The following TEX264 variants were observed in gnomAD, a reference collection of about 807,000 sequenced individuals.
TEX264 encodes testis-expressed protein 264.
A neutral mutation model predicts 23.4 loss-of-function variants in TEX264; 13 were observed. The observed-to-expected ratio is 0.56, with a 90% confidence interval of 0.36 to 0.88. The LOEUF (loss-of-function observed/expected upper bound fraction) is 0.88, where lower values mean the gene tolerates loss of function less well. Ranked by LOEUF, TEX264 falls within the 40% of genes least tolerant of loss-of-function variation. The pLI is 0.01. For synonymous variants in TEX264, 159 were observed against 170.0 expected (o/e 0.94, Z 0.50); for missense variants, 340 against 406.8 (o/e 0.84, Z 1.41).
At chr3:51,693,150 G>T (rs533416699) in intron 3 of TEX264, among the ~76,000 whole-genome samples, 3 of 152,220 alleles carry the variant, frequency 2.0e-5, no homozygotes, top group East Asian at 3.9e-4. Context: ...ACAGGACACC[G>T]AGGAAGCCAG....
intron 2 of TEX264, among the ~76,000 whole-genome samples, chr3:51,675,326 A>C (rs1702192508): frequency 6.6e-6 from 1 of 152,204 alleles, no homozygotes; most frequent in Admixed American, 6.5e-5. Flanking sequence ...ATGGGCTGGC[A>C]GCTCTGTCAA....
chr3:51,701,895 G>A lies in TEX264; in HGVS notation c.650-1829G>A, dbSNP rs1703318732. Among the ~76,000 whole-genome samples the A allele has an allele frequency of 2.0e-5, 3 of 152,238 alleles. No individual in the cohort carries two copies. In the South Asian group the frequency reaches 6.2e-4, roughly 31 times the overall value. On this transcript the variant is annotated intron_variant, in intron 4 of 4. Coordinates refer to ENST00000341333, the MANE Select transcript of TEX264 (RefSeq NM_015926.6). Reference sequence around the variant, plus strand: ...GATCCACCTGCCTCAGCTTCCCAAAGTGCTGGGATTACAGGCGTGAGCCAC... The same window carrying A: ...GATCCACCTGCCTCAGCTTCCCAAAATGCTGGGATTACAGGCGTGAGCCAC...
chr3:51,674,366 T>A lies in TEX264; in HGVS notation c.62T>A (p.Leu21Gln). ...CTGACTCTCTTACTGCTGCTGACGC[T>A]GCTGGCCTTTGCCGGGTACTCAGGG... ...GGLTLLLLLT[L>Q]LAFAGYSGLL... The change falls in exon 2 of 5, where the codon CTG (leucine) becomes CAG (glutamine). Residue 21 changes from leucine (L) to glutamine (Q), a missense_variant. By Grantham distance (113) the Leu-to-Gln change is moderately radical. Coordinates refer to ENST00000341333, the MANE Select transcript of TEX264 (RefSeq NM_015926.6). 3 of 1,614,242 alleles carry A rather than the reference T, an allele frequency of 1.9e-6. No homozygotes were observed. The highest frequency in any genetic ancestry group is 2.5e-6 in the Non-Finnish European group (3 of 1,180,038).
intron 3 of TEX264, among the ~76,000 whole-genome samples, chr3:51,688,655 A>G (rs1239622003): frequency 6.6e-6 from 1 of 152,154 alleles, no homozygotes; most frequent in African/African-American, 2.4e-5. Context: ...GTAGTGGCTG[A>G]TTGGCTGGGG....
At chr3:51,689,163 C>A (rs1027029441) in intron 3 of TEX264, among the ~76,000 whole-genome samples, 1 of 152,054 alleles carries the variant, frequency 6.6e-6, no homozygotes. Flanking sequence ...GTGGCTCACA[C>A]CTGTAATCCC....
chr3:51,696,255 CA>C (rs1288279474), intron 3 of TEX264, among the ~76,000 whole-genome samples: 1 of 152,086 alleles, frequency 6.6e-6, no homozygotes, highest in Non-Finnish European at 1.5e-5. Flanking sequence ...GGGGATGTGC[CA>C]GGGCTAGGAG....
At chr3:51,697,681 C>T (rs1703123133) in intron 3 of TEX264, among the ~76,000 whole-genome samples, 1 of 152,238 alleles carries the variant, frequency 6.6e-6, no homozygotes, top group Admixed American at 6.5e-5. Flanking sequence ...TGGCAGATGC[C>T]TGCCTCTAAG....
Position 51,674,430 on chromosome 3 carries a change from C to A in TEX264, c.126C>A (p.Pro42=), listed in dbSNP as rs769297115. Residue 42 remains proline (P), a synonymous_variant, in exon 2 of 5, where the codon CCC becomes CCA. Transcript: ENST00000341333. ...AGVEVSAGSP[P]IRNVTVAYKF... is the part of the protein sequence containing the mutation. ...TGGAAGTGAGTGCTGGGTCACCCCC[C>A]ATCCGCAACGTCACTGTGGCCTACA... 6.2e-7 allele frequency: 1 copy of A among 1,614,126 alleles called. No homozygotes were observed. The highest frequency in any genetic ancestry group is 8.5e-7 in the Non-Finnish European group (1 of 1,180,054).
chr3:51,695,152 G>C (rs1703006308), intron 3 of TEX264, among the ~76,000 whole-genome samples: 1 of 152,240 alleles, frequency 6.6e-6, no homozygotes, highest in East Asian at 1.9e-4. Flanking sequence ...GGATGCAACA[G>C]CTGCTTGCTG....
At chr3:51,682,290 A>G (rs141006746) in intron 2 of TEX264, 2 of 152,240 alleles carry the variant, frequency 1.3e-5, no homozygotes, top group African/African-American at 4.8e-5. Context: ...GAGACAAGAG[A>G]TGGTATTGCA....
rs1577518706 is a variant in TEX264, at chr3:51,691,677, C to T, written c.480+7043C>T. ...AGAGTTTGGGCCTAAGAGATATAGGCTGGGTCCTGCAGGCACTAGGGAGAC... is the reference window on the plus strand; with the variant it reads ...AGAGTTTGGGCCTAAGAGATATAGGTTGGGTCCTGCAGGCACTAGGGAGAC... On this transcript the variant is annotated intron_variant, in intron 3 of 4. Transcript: ENST00000341333. This position sits in a 1 kb window ranked among gnomAD's most constrained non-coding sequence, Gnocchi z 4.4. 6.6e-6 allele frequency among the ~76,000 whole-genome samples: 1 copy of T among 152,096 alleles called. No homozygotes were observed. The highest frequency in any genetic ancestry group is 1.5e-5 in the Non-Finnish European group (1 of 68,018).
At chr3:51,680,936 C>T (rs1702407915) in intron 2 of TEX264, among the ~76,000 whole-genome samples, 1 of 152,202 alleles carries the variant, frequency 6.6e-6, no homozygotes, top group Non-Finnish European at 1.5e-5. Context: ...GCCACTGGAT[C>T]AGCCTTGCCA....
intron 1 of TEX264, chr3:51,671,959 G>A (rs2106882980): frequency 6.6e-6 from 1 of 152,400 alleles, no homozygotes; most frequent in South Asian, 2.1e-4. Flanking sequence ...GAGGCTAGAG[G>A]GAGGGCGCAG....
At position 51,688,889 on chromosome 3, in the gene TEX264, G is replaced by A. The variant is rs1577513781; in HGVS notation, c.480+4255G>A. ...TGCCTGTAATCCCAACACTTTGGGA[G>A]CCTGAGGTGGGAGGATCACTTGAGC... On this transcript the variant is annotated intron_variant, in intron 3 of 4. Transcript: ENST00000341333. 2.0e-5 allele frequency among the ~76,000 whole-genome samples: 3 copies of A among 152,258 alleles called. No individual in the cohort carries two copies. In the East Asian group the frequency reaches 5.8e-4, roughly 29 times the overall value.
At position 51,704,234 on chromosome 3, in the gene TEX264, G is replaced by T; in HGVS notation, c.*218G>T. The T allele has an allele frequency of 2.4e-6, 1 of 408,830 alleles. No homozygotes were observed. Among genetic ancestry groups the T allele is most frequent in the Non-Finnish European group, 4.2e-6 (1 of 235,686 alleles). 25.3% of individuals were successfully genotyped at this position (408,830 alleles called of 1,614,324 possible). ...ACTATTTTCTGCACCAGCCCCCAGGGCTGCCACCCCTGTTGTGTCTTTTTT... is the reference window on the plus strand; with the variant it reads ...ACTATTTTCTGCACCAGCCCCCAGGTCTGCCACCCCTGTTGTGTCTTTTTT... On this transcript the variant is annotated 3_prime_UTR_variant, in exon 5 of 5. Transcript: ENST00000341333.
At position 51,674,469 on chromosome 3, in the gene TEX264, G is replaced by A; in HGVS notation, c.165G>A (p.Gly55=). The change falls in exon 2 of 5, where the codon GGG becomes GGA. Residue 55 remains glycine (G), a synonymous_variant. Coordinates refer to ENST00000341333, the MANE Select transcript of TEX264 (RefSeq NM_015926.6). ...CTGTGGCCTACAAGTTCCACATGGG[G>A]CTCTATGGTGAGACTGGGCGGCTTT... The part of the protein sequence containing the change: ...NVTVAYKFHM[G]LYGETGRLFT... 1.2e-6 allele frequency: 2 copies of A among 1,614,202 alleles called. No individual in the cohort carries two copies. Among genetic ancestry groups the A allele is most frequent in the South Asian group, 2.2e-5 (2 of 91,082 alleles).
At position 51,703,887 on chromosome 3, in the gene TEX264, C is replaced by G. The variant is rs1047581558; in HGVS notation, c.813C>G (p.Ser271=). ...HSYSESGASG[S]SFEELDLEGE... ...ACAGCGAGTCAGGTGCCAGCGGCTC[C>G]TCTTTTGAGGAGCTGGACTTGGAGG... is the stretch of plus-strand genomic sequence containing the variant. The change falls in exon 5 of 5, where the codon TCC becomes TCG. Residue 271 remains serine (S), a synonymous_variant. Coordinates refer to ENST00000341333, the MANE Select transcript of TEX264 (RefSeq NM_015926.6). The surrounding 1 kb of genome is among the most constrained non-coding windows in gnomAD (Gnocchi z 4.8). 1.1e-5 allele frequency: 17 copies of G among 1,612,158 alleles called. No homozygotes were observed. The highest frequency in any genetic ancestry group is 1.4e-5 in the Non-Finnish European group (17 of 1,178,748).
At chr3:51,678,361 C>A (rs1702303425) in intron 2 of TEX264, among the ~76,000 whole-genome samples, 1 of 152,188 alleles carries the variant, frequency 6.6e-6, no homozygotes, top group South Asian at 2.1e-4. Context: ...CCTGTGGGCC[C>A]ATCCTGTCTG....
intron 3 of TEX264, among the ~76,000 whole-genome samples, chr3:51,689,634 C>G (rs9875460): frequency 0.038 from 5,803 of 152,102 alleles, 386 homozygotes; most frequent in African/African-American, 0.13. Flanking sequence ...AGTTTTACAA[C>G]CCAGGTGTCT....
Sources: gnomAD v4.1 joint callset for allele counts (sites outside exome capture counted in the v4.1 genomes callset) on GRCh38, gnomAD v4.1.1 for gene constraint, Gnocchi (gnomAD v3.1) non-coding constraint, MANE v1.5 for transcripts, NCBI Gene and HGNC (gene_info 2026-07-23, HGNC 2026-07-21) for gene names.